KCNJ6: variants seen among roughly 807,000 people sequenced by gnomAD.
The protein encoded by KCNJ6 is G protein-activated inward rectifier potassium channel 2.
In KCNJ6, 9 loss-of-function variants were observed where a neutral mutation model predicts 34.2. The observed-to-expected ratio is 0.26, with a 90% CI of 0.16 to 0.46. The LOEUF (loss-of-function observed/expected upper bound fraction) is 0.46. Ranked by LOEUF, KCNJ6 falls within the 20% of genes least tolerant of loss-of-function variation. The pLI, the probability that KCNJ6 is intolerant of heterozygous loss-of-function variation, is 1.00. For synonymous variants in KCNJ6, 196 were observed against 207.1 expected, an observed-to-expected ratio of 0.95 and a Z score of 0.46; for missense variants, 236 against 531.3, an observed-to-expected ratio of 0.44 and a Z score of 5.46.
chr21:37,642,149 G>A lies in KCNJ6; in HGVS notation c.947-16665C>T, dbSNP rs141865264. ...AACCAAATCTCAGATCTACAGAAGAGGCCTTGGTTAGACATACACAGTGGG... is the reference window on the plus strand; with the variant it reads ...AACCAAATCTCAGATCTACAGAAGAAGCCTTGGTTAGACATACACAGTGGG... On this transcript the variant is annotated intron_variant, in intron 3 of 3. Transcript: ENST00000609713. 2.2e-4 allele frequency among the ~76,000 whole-genome samples: 34 copies of A among 152,304 alleles called. 1 individual carries two copies. In the South Asian group the frequency reaches 7.1e-3, roughly 32 times the overall value.
chr21:37,698,817 C>G (rs1263136911), intron 3 of KCNJ6, among the ~76,000 whole-genome samples: 1 of 152,076 alleles, frequency 6.6e-6, no homozygotes, highest in East Asian at 1.9e-4. Flanking sequence ...ATGCCTCAGC[C>G]TCCTGAGTAG....
At position 37,859,522 on chromosome 21, in the gene KCNJ6, TATATATATAA is replaced by T. The variant is rs1354477315; in HGVS notation, c.-27-18823_-27-18814del. On this transcript the variant is annotated intron_variant, in intron 1 of 3. Transcript: ENST00000609713. ...ATATATATATATATATATATATATA[TATATATATAA>T]AATACTTAAAAAGCTCTACAGATGA... Among the ~76,000 whole-genome samples, 487 of 79,870 alleles carry T rather than the reference TATATATATAA, an allele frequency of 6.1e-3. 21 individuals are homozygous for T. The highest frequency in any genetic ancestry group is 0.01 in the African/African-American group (207 of 19,840). The allele number at this position is 79,870 out of a possible 152,430, so 52.4% of individuals were successfully genotyped here. A position where few individuals can be genotyped will look rare whatever the true frequency, so the allele number is the denominator to read the frequency against.
chr21:37,902,262 C>T (rs192659596), intron 1 of KCNJ6, among the ~76,000 whole-genome samples: 44 of 152,340 alleles, frequency 2.9e-4, no homozygotes, highest in Admixed American at 2.5e-3. Context: ...CCATCTGAAA[C>T]ACAAATTTAT....
intron 3 of KCNJ6, among the ~76,000 whole-genome samples, chr21:37,707,862 T>C (rs1036613867): frequency 2.0e-5 from 3 of 150,822 alleles, no homozygotes; most frequent in Non-Finnish European, 4.4e-5. Flanking sequence ...AATAAAACTC[T>C]ATTTGTTTAA....
chr21:37,661,006 C>A (rs776786294), intron 3 of KCNJ6, among the ~76,000 whole-genome samples: 1 of 152,188 alleles, frequency 6.6e-6, no homozygotes, highest in Admixed American at 6.5e-5. Context: ...AGGGAAAACA[C>A]TTTCATGATC....
intron 2 of KCNJ6, among the ~76,000 whole-genome samples, chr21:37,789,451 C>T (rs2055206931): frequency 6.6e-6 from 1 of 152,038 alleles, no homozygotes; most frequent in Admixed American, 6.5e-5. Context: ...GAGAGAGAGC[C>T]CTCATCAGAA....
At chr21:37,797,817 T>C (rs2055250815) in intron 2 of KCNJ6, among the ~76,000 whole-genome samples, 1 of 152,092 alleles carries the variant, frequency 6.6e-6, no homozygotes, top group South Asian at 2.1e-4. Context: ...TGTGGAGCTA[T>C]GGCAGCCTTC....
At chr21:37,747,011 A>G (rs2123480220) in intron 2 of KCNJ6, among the ~76,000 whole-genome samples, 1 of 152,326 alleles carries the variant, frequency 6.6e-6, no homozygotes, top group East Asian at 1.9e-4. Flanking sequence ...AGATCAGTGG[A>G]ACACTTGAAT....
rs541169724 is a variant in KCNJ6 at position 37,611,303 on chromosome 21, G to A, written c.*13856C>T. 1 of 152,288 alleles carries A rather than the reference G, an allele frequency of 6.6e-6. No individual in the cohort carries two copies. Among genetic ancestry groups the A allele is most frequent in the South Asian group, 2.1e-4 (1 of 4,826 alleles). The allele number at this position is 152,288 out of a possible 1,614,324, so 9.4% of individuals were successfully genotyped here. A position where few individuals can be genotyped will look rare whatever the true frequency, so the allele number is the denominator to read the frequency against. On this transcript the variant is annotated 3_prime_UTR_variant, in exon 4 of 4. Transcript: ENST00000609713. ...GTCAAAACTCACACAAGAGCAAATA[G>A]ACAATCTGAATAGGTATATCTCTGT...
intron 2 of KCNJ6, among the ~76,000 whole-genome samples, chr21:37,777,436 T>G (rs1270499440): frequency 6.6e-6 from 1 of 152,140 alleles, no homozygotes; most frequent in Non-Finnish European, 1.5e-5. Flanking sequence ...ATCTTCTGCT[T>G]TTTGACTCTG....
chr21:37,888,654 G>A (rs1284240928), intron 1 of KCNJ6, among the ~76,000 whole-genome samples: 3 of 152,214 alleles, frequency 2.0e-5, no homozygotes, highest in Non-Finnish European at 4.4e-5. Context: ...AGCCATCTCC[G>A]TGAAGTTGGA....
intron 1 of KCNJ6, among the ~76,000 whole-genome samples, chr21:37,892,439 G>T (rs2055766692): frequency 1.3e-5 from 2 of 152,192 alleles, no homozygotes; most frequent in Admixed American, 6.5e-5. Flanking sequence ...TTTAATGACT[G>T]TTAGTATCTG....
At chr21:37,667,606 C>T (rs894989892) in intron 3 of KCNJ6, among the ~76,000 whole-genome samples, 20 of 142,542 alleles carry the variant, frequency 1.4e-4, no homozygotes, top group African/African-American at 3.8e-4. Flanking sequence ...GCCAGGGTAG[C>T]GGGGTCTGGG....
intron 2 of KCNJ6, among the ~76,000 whole-genome samples, chr21:37,760,834 G>A (rs952202187): frequency 3.9e-5 from 6 of 152,220 alleles, no homozygotes; most frequent in Non-Finnish European, 7.3e-5. Context: ...ATGAAGGACT[G>A]TTCTCCCTTC....
chr21:37,768,041 G>A (rs1461369976), intron 2 of KCNJ6, among the ~76,000 whole-genome samples: 1 of 149,140 alleles, frequency 6.7e-6, no homozygotes, highest in Admixed American at 6.7e-5. Flanking sequence ...AAGGACTTGG[G>A]TAAAATTTTT....
At chr21:37,908,031 C>G (rs2055849981) in intron 1 of KCNJ6, among the ~76,000 whole-genome samples, 1 of 152,176 alleles carries the variant, frequency 6.6e-6, no homozygotes, top group East Asian at 1.9e-4. Flanking sequence ...TTTTCTAATC[C>G]AGTATTACTG....
chr21:37,817,126 C>T (rs956958090), intron 2 of KCNJ6, among the ~76,000 whole-genome samples: 3 of 152,174 alleles, frequency 2.0e-5, no homozygotes, highest in Admixed American at 1.3e-4. Flanking sequence ...CCTCACGGAA[C>T]TGTTGTCAAG....
intron 2 of KCNJ6, among the ~76,000 whole-genome samples, chr21:37,828,373 C>T (rs560935171): frequency 1.2e-4 from 19 of 152,262 alleles, no homozygotes; most frequent in Admixed American, 2.0e-4. Context: ...TTTAATTCCC[C>T]GCAGCACTGG....
rs2123356918 is a variant in KCNJ6 at position 37,619,684 on chromosome 21, A to G, written c.*5475T>C. The stretch of plus-strand genomic sequence containing the variant: ...CTCCTCCAAGAGAGCCTAAGAGAGA[A>G]GCCATGTGGAGGAGCGAGGCGGGTT... On this transcript the variant is annotated 3_prime_UTR_variant, in exon 4 of 4. Transcript: ENST00000609713. The G allele has an allele frequency of 6.6e-6, 1 of 152,376 alleles. No individual in the cohort carries two copies. Among genetic ancestry groups the G allele is most frequent in the Non-Finnish European group, 1.5e-5 (1 of 68,074 alleles). 9.4% of individuals were successfully genotyped at this position (152,376 alleles called of 1,614,324 possible). A position where few individuals can be genotyped will look rare whatever the true frequency, so the allele number is the denominator to read the frequency against.
Sources: gnomAD v4.1 joint callset for allele counts (sites outside exome capture counted in the v4.1 genomes callset) on GRCh38, gnomAD v4.1.1 for gene constraint, MANE v1.5 for transcripts, NCBI Gene and HGNC (gene_info 2026-07-23, HGNC 2026-07-21) for gene names.